CADPS2: variants seen among roughly 807,000 people sequenced by gnomAD.
CADPS2 encodes calcium dependent secretion activator 2, also known as calcium-dependent secretion activator 2.
In CADPS2, 93 loss-of-function variants were observed where a neutral mutation model predicts 172.5. The observed-to-expected ratio is 0.54, with a 90% confidence interval of 0.46 to 0.64. The LOEUF (loss-of-function observed/expected upper bound fraction) is 0.64. Among genes scored for constraint, CADPS2 ranks in the 30% least tolerant of loss-of-function variants. CADPS2 has a pLI of 0.00. For missense variants in CADPS2, 1,420 were observed against 1,565.9 expected (o/e 0.91, Z 1.57); for synonymous variants, 546 against 555.2 (o/e 0.98, Z 0.23).
At chr7:122,346,782 A>G (rs1334734269) in intron 27 of CADPS2, among the ~76,000 whole-genome samples, 1 of 152,216 alleles carries the variant, frequency 6.6e-6, no homozygotes, top group Non-Finnish European at 1.5e-5. Flanking sequence ...AGTAAGGGAT[A>G]GATGCCTGCA....
chr7:122,441,841 A>G (rs2051392823), intron 15 of CADPS2, among the ~76,000 whole-genome samples: 1 of 152,224 alleles, frequency 6.6e-6, no homozygotes. Flanking sequence ...ACAGTAAATA[A>G]AAGAACCTCA....
chr7:122,725,352 T>C (rs1475088146), intron 2 of CADPS2, among the ~76,000 whole-genome samples: 4 of 151,918 alleles, frequency 2.6e-5, no homozygotes, highest in Admixed American at 2.6e-4. Context: ...TATATATGTA[T>C]AGGTATATAT....
intron 20 of CADPS2, among the ~76,000 whole-genome samples, chr7:122,404,573 C>T (rs564496379): frequency 4.5e-4 from 69 of 152,292 alleles, no homozygotes; most frequent in Non-Finnish European, 7.1e-4. Flanking sequence ...ACCACACTGA[C>T]TTCCACAATG....
chr7:122,703,491 G>A (rs1478300133), intron 2 of CADPS2, among the ~76,000 whole-genome samples: 4 of 152,110 alleles, frequency 2.6e-5, no homozygotes, highest in Non-Finnish European at 4.4e-5. Context: ...AGAAAACAGT[G>A]TAAACTCTTA....
chr7:122,328,132 G>GACACACACACACACACAC (rs71159790), intron 28 of CADPS2, among the ~76,000 whole-genome samples: 21 of 145,686 alleles, frequency 1.4e-4, no homozygotes, highest in Admixed American at 4.1e-4. Flanking sequence ...GTAAAATGCA[G>GACACACACACACACACAC]ACACACACAC....
chr7:122,457,275 G>A (rs1048854763), intron 14 of CADPS2, among the ~76,000 whole-genome samples: 1 of 152,200 alleles, frequency 6.6e-6, no homozygotes, highest in Non-Finnish European at 1.5e-5. Flanking sequence ...ATTCAGATCT[G>A]TGCAAACCTA....
chr7:122,458,479 C>T (rs1165618213), intron 14 of CADPS2, among the ~76,000 whole-genome samples: 1 of 152,046 alleles, frequency 6.6e-6, no homozygotes, highest in African/African-American at 2.4e-5. Context: ...TTAATTGTGT[C>T]TTTATATGAT....
At chr7:122,484,377 C>T (rs2057594377) in intron 11 of CADPS2, among the ~76,000 whole-genome samples, 1 of 152,046 alleles carries the variant, frequency 6.6e-6, no homozygotes, top group South Asian at 2.1e-4. Flanking sequence ...ATTGATTTTT[C>T]ACAAATATGC....
rs1010336472 is a variant in CADPS2, at chr7:122,654,985, G to A, written c.786+8252C>T. ...CGACTTTGAGGGATTCAAGACTTCAGTAAAGGAAGTAACTGGAGATGTTCT... is the reference window on the plus strand; with the variant it reads ...CGACTTTGAGGGATTCAAGACTTCAATAAAGGAAGTAACTGGAGATGTTCT... On this transcript the variant is annotated intron_variant, in intron 3 of 29. Coordinates refer to ENST00000449022, the MANE Select transcript of CADPS2 (RefSeq NM_017954.11). 2.6e-5 allele frequency among the ~76,000 whole-genome samples: 4 copies of A among 152,180 alleles called. No individual in the cohort carries two copies. The South Asian group carries it at 6.2e-4, about 24-fold the overall frequency.
intron 2 of CADPS2, among the ~76,000 whole-genome samples, chr7:122,720,511 T>C (rs1001901472): frequency 6.6e-6 from 1 of 150,484 alleles, no homozygotes; most frequent in Non-Finnish European, 1.5e-5. Context: ...TACGTATAAG[T>C]ATATATACAT....
intron 8 of CADPS2, among the ~76,000 whole-genome samples, chr7:122,546,800 T>G (rs972752701): frequency 5.9e-5 from 9 of 152,118 alleles, no homozygotes; most frequent in Middle Eastern, 3.2e-3. Context: ...CCGTATACAG[T>G]CTAGGACTCT....
At chr7:122,685,951 C>T (rs1198535338) in intron 2 of CADPS2, among the ~76,000 whole-genome samples, 1 of 152,170 alleles carries the variant, frequency 6.6e-6, no homozygotes, top group African/African-American at 2.4e-5. Flanking sequence ...CTTATTTTCA[C>T]CTACATTATT....
At position 122,802,060 on chromosome 7, in the gene CADPS2, A is replaced by G. The variant is rs117399586; in HGVS notation, c.340-64992T>C. Among the ~76,000 whole-genome samples the G allele has an allele frequency of 9.8e-5, 15 of 152,360 alleles. No homozygotes were observed. The East Asian group carries it at 2.3e-3, about 23-fold the overall frequency. ...TGTATAAAATCTATTTAGAAAAGCT[A>G]TAAGATGTCTAAACAGTGTCACAGC... On this transcript the variant is annotated intron_variant, in intron 1 of 29. Coordinates refer to ENST00000449022, the MANE Select transcript of CADPS2 (RefSeq NM_017954.11).
intron 3 of CADPS2, among the ~76,000 whole-genome samples, chr7:122,642,847 T>C (rs2077830367): frequency 6.6e-6 from 1 of 152,082 alleles, no homozygotes; most frequent in African/African-American, 2.4e-5. Context: ...TTCCTTCTCC[T>C]ACTGAAAAAA....
intron 28 of CADPS2, chr7:122,331,896 T>C (rs1328929248): frequency 6.6e-6 from 1 of 152,226 alleles, no homozygotes; most frequent in Non-Finnish European, 1.5e-5. Context: ...TTCACTTCTC[T>C]ATAGAAGGAC....
chr7:122,665,159 C>A (rs946836753), intron 2 of CADPS2, among the ~76,000 whole-genome samples: 1 of 152,102 alleles, frequency 6.6e-6, no homozygotes, highest in Non-Finnish European at 1.5e-5. Context: ...TATGATCATA[C>A]TACTTGCACC....
chr7:122,685,902 T>C (rs1438729746), intron 2 of CADPS2, among the ~76,000 whole-genome samples: 2 of 152,202 alleles, frequency 1.3e-5, no homozygotes, highest in Non-Finnish European at 2.9e-5. Flanking sequence ...CCACAAACCT[T>C]TGGAGGGCCT....
At chr7:122,667,456 T>C (rs967613134) in intron 2 of CADPS2, among the ~76,000 whole-genome samples, 1 of 152,100 alleles carries the variant, frequency 6.6e-6, no homozygotes, top group African/African-American at 2.4e-5. Context: ...TACAAAACCA[T>C]ACCTGAAGCC....
intron 1 of CADPS2, among the ~76,000 whole-genome samples, chr7:122,874,995 A>G (rs1048283552): frequency 6.6e-6 from 1 of 152,326 alleles, no homozygotes; most frequent in Admixed American, 6.5e-5. Flanking sequence ...AAAACAGAAA[A>G]TAAGATTAAA....
Sources: gnomAD v4.1 joint callset for allele counts (sites outside exome capture counted in the v4.1 genomes callset) on GRCh38, gnomAD v4.1.1 for gene constraint, MANE v1.5 for transcripts, NCBI Gene and HGNC (gene_info 2026-07-23, HGNC 2026-07-21) for gene names.